The following DISC1 variants were observed in gnomAD, a reference collection of about 807,000 sequenced individuals.
DISC1 encodes disrupted in schizophrenia 1 protein.
DISC1 carries 57 observed loss-of-function variants against 84.5 expected under a neutral mutation model. The ratio of observed to expected loss-of-function variants is 0.67; its 90% CI spans 0.55 to 0.84. DISC1 has a LOEUF of 0.84. DISC1 is among the 40% of genes least tolerant of loss of function. The pLI, the probability that DISC1 is intolerant of heterozygous loss-of-function variation, is 0.00. For missense variants in DISC1, 1,000 were observed against 1,057.8 expected (o/e 0.95, Z 0.76); for synonymous variants, 411 against 415.2 (o/e 0.99, Z 0.12).
intron 11 of DISC1, among the ~76,000 whole-genome samples, chr1:232,018,745 G>T (rs1303984004): frequency 1.3e-5 from 2 of 152,170 alleles, no homozygotes; most frequent in Admixed American, 1.3e-4. Context: ...CGTGTGGAGG[G>T]ACAGCAGGGA....
intron 10 of DISC1, among the ~76,000 whole-genome samples, chr1:231,991,157 C>T (rs200011001): frequency 2.1e-4 from 32 of 152,376 alleles, no homozygotes; most frequent in Non-Finnish European, 3.7e-4. Context: ...GTCTCTCTAA[C>T]TCTTTGACCT....
intron 9 of DISC1, among the ~76,000 whole-genome samples, chr1:231,862,375 G>A (rs1410378976): frequency 1.3e-5 from 2 of 152,056 alleles, no homozygotes; most frequent in Admixed American, 1.3e-4. Context: ...TGTCATATTT[G>A]GACTCCAAAG....
At chr1:231,976,342 A>C (rs1288708664) in intron 10 of DISC1, among the ~76,000 whole-genome samples, 1 of 152,208 alleles carries the variant, frequency 6.6e-6, no homozygotes, top group African/African-American at 2.4e-5. Flanking sequence ...TCCTGTTGCC[A>C]CCACTGAGCA....
At chr1:231,909,757 G>C (rs1176040358) in intron 9 of DISC1, among the ~76,000 whole-genome samples, 3 of 152,188 alleles carry the variant, frequency 2.0e-5, no homozygotes, top group African/African-American at 7.2e-5. Context: ...GTAGGTACCA[G>C]CTCCTCTTTG....
At chr1:231,973,414 G>A (rs999679426) in intron 10 of DISC1, among the ~76,000 whole-genome samples, 1 of 152,226 alleles carries the variant, frequency 6.6e-6, no homozygotes, top group African/African-American at 2.4e-5. Context: ...TCATGCAAAG[G>A]TCTCGAAGCA....
chr1:231,770,792 AG>A (rs1259624008), intron 5 of DISC1, 42 bp from the exon 6 acceptor site: 1 of 1,594,302 alleles, frequency 6.3e-7, no homozygotes, highest in African/African-American at 1.3e-5. Flanking sequence ...GTTTGCCATG[AG>A]CAGGGTTAAT....
intron 10 of DISC1, among the ~76,000 whole-genome samples, chr1:231,996,035 A>C (rs1417423297): frequency 6.6e-6 from 1 of 152,172 alleles, no homozygotes; most frequent in Non-Finnish European, 1.5e-5. Flanking sequence ...TTGCCATTCT[A>C]ACTGGTGTGA....
intron 1 of DISC1, among the ~76,000 whole-genome samples, chr1:231,652,525 A>G (rs528239958): frequency 9.8e-5 from 15 of 152,292 alleles, no homozygotes; most frequent in African/African-American, 3.6e-4. Context: ...TTGTTTTTAT[A>G]TTTAAAAACA....
intron 9 of DISC1, among the ~76,000 whole-genome samples, chr1:231,950,308 C>T (rs1321821580): frequency 6.6e-6 from 1 of 151,322 alleles, no homozygotes; most frequent in Non-Finnish European, 1.5e-5. Flanking sequence ...TGCATATTCT[C>T]AGTTGCATAC....
chr1:231,863,270 G>A (rs1245443723), intron 9 of DISC1, among the ~76,000 whole-genome samples: 4 of 118,466 alleles, frequency 3.4e-5, no homozygotes, highest in African/African-American at 6.4e-5. Context: ...GGTCTCTGTC[G>A]CCCGGGATGG....
chr1:231,774,128 C>G (rs2076773004), intron 6 of DISC1, among the ~76,000 whole-genome samples: 1 of 152,012 alleles, frequency 6.6e-6, no homozygotes, highest in Admixed American at 6.6e-5. Flanking sequence ...ATTGAGTGTA[C>G]TTGTAGTCCT....
chr1:231,730,457 A>G (rs1382794558), intron 3 of DISC1, among the ~76,000 whole-genome samples: 2 of 152,168 alleles, frequency 1.3e-5, no homozygotes, highest in African/African-American at 4.8e-5. Context: ...CAGGGGATAC[A>G]TGTTGTGCAG....
intron 9 of DISC1, among the ~76,000 whole-genome samples, chr1:231,944,618 G>A (rs75599171): frequency 0.015 from 2,319 of 152,132 alleles, 24 homozygotes; most frequent in Non-Finnish European, 0.023. Context: ...CAGCTTCCTG[G>A]GGAAGCCCAC....
intron 9 of DISC1, among the ~76,000 whole-genome samples, chr1:231,873,295 A>G (rs1378406453): frequency 1.3e-5 from 2 of 152,208 alleles, no homozygotes; most frequent in Non-Finnish European, 1.5e-5. Flanking sequence ...ATGCAAGGCT[A>G]CTAATCTCCA....
chr1:231,999,423 T>C (rs2102955461), intron 10 of DISC1, among the ~76,000 whole-genome samples: 1 of 152,206 alleles, frequency 6.6e-6, no homozygotes, highest in East Asian at 1.9e-4. Flanking sequence ...CTCAGCTAGG[T>C]TTATTCCTGC....
Position 232,035,073 on chromosome 1 carries a change from G to C in DISC1, c.2426-1619G>C, listed in dbSNP as rs532886437. Among the ~76,000 whole-genome samples, 4 of 152,198 alleles carry C rather than the reference G, an allele frequency of 2.6e-5. No homozygotes were observed. The South Asian group carries it at 8.3e-4, about 32-fold the overall frequency. On this transcript the variant is annotated intron_variant, in intron 12 of 12. Coordinates refer to ENST00000439617, the MANE Select transcript of DISC1 (RefSeq NM_018662.3). ...GCTTCAAGAGGGTGAAAAACTGCCA[G>C]AACTTTTCAGGGTGGTTCAGCACGT...
intron 9 of DISC1, among the ~76,000 whole-genome samples, chr1:231,868,692 TTATATATATA>T (rs58636016): frequency 0.044 from 4,830 of 108,638 alleles, 157 homozygotes; most frequent in East Asian, 0.11. Context: ...ACCCCATCTC[TTATATATATA>T]TATATATATA....
At position 231,697,318 on chromosome 1, in the gene DISC1, G is replaced by C. The variant is rs2065842148; in HGVS notation, c.1047+2513G>C. Reference sequence around the variant, plus strand: ...GAGAATCTCAGGAATTTAAGTTTCAGCTTCTTCTAAAAGATGGTTGATCCT... The same window carrying C: ...GAGAATCTCAGGAATTTAAGTTTCACCTTCTTCTAAAAGATGGTTGATCCT... On this transcript the variant is annotated intron_variant, in intron 2 of 12. Transcript: ENST00000439617. Among the ~76,000 whole-genome samples the C allele has an allele frequency of 2.0e-5, 3 of 152,172 alleles. No individual in the cohort carries two copies. In the South Asian group the frequency reaches 6.2e-4, roughly 31 times the overall value.
At chr1:231,861,452 GTTT>G (rs59522401) in intron 9 of DISC1, among the ~76,000 whole-genome samples, 16,030 of 89,060 alleles carry the variant, frequency 0.18, 1,206 homozygotes, top group Middle Eastern at 0.3. Flanking sequence ...ATTTTGACAA[GTTT>G]TTTTTTTTTT....
Sources: gnomAD v4.1 joint callset for allele counts (sites outside exome capture counted in the v4.1 genomes callset) on GRCh38, gnomAD v4.1.1 for gene constraint, MANE v1.5 for transcripts, NCBI Gene and HGNC (gene_info 2026-07-23, HGNC 2026-07-21) for gene names.